Variants in KCNAB1 observed in about 807,000 individuals in gnomAD.
KCNAB1 encodes potassium voltage-gated channel subfamily A regulatory beta subunit 1.
KCNAB1 carries 35 observed loss-of-function variants against 64.6 expected under a neutral mutation model. The observed-to-expected ratio is 0.54, with a 90% CI of 0.41 to 0.72. The LOEUF (loss-of-function observed/expected upper bound fraction) is 0.72, where lower values mean the gene tolerates loss of function less well. Ranked by LOEUF, KCNAB1 falls within the 30% of genes least tolerant of loss-of-function variation. KCNAB1 has a pLI of 0.00. For missense variants in KCNAB1, 401 were observed against 512.9 expected (o/e 0.78, Z 2.11); for synonymous variants, 177 against 183.8 (o/e 0.96, Z 0.30).
rs11718168 is a variant in KCNAB1, at chr3:156,194,150, A to G, written c.275+73264A>G. Among the ~76,000 whole-genome samples the G allele has an allele frequency of 7.2e-4, 109 of 151,930 alleles. 1 individual carries two copies. The highest frequency in any genetic ancestry group is 1.2e-3 in the Non-Finnish European group (80 of 67,996). ...TTAAGAAAAAATTTAATATTTACCTATAACAACCCTTATAGTTATTACTTC... is the reference window on the plus strand; with the variant it reads ...TTAAGAAAAAATTTAATATTTACCTGTAACAACCCTTATAGTTATTACTTC... On this transcript the variant is annotated intron_variant, in intron 1 of 13. Transcript: ENST00000490337.
intron 1 of KCNAB1, among the ~76,000 whole-genome samples, chr3:156,231,353 A>G (rs2108434988): frequency 6.6e-6 from 1 of 152,294 alleles, no homozygotes; most frequent in African/African-American, 2.4e-5. Context: ...TGACTCTGGC[A>G]TAACAAGGAA....
intron 1 of KCNAB1, among the ~76,000 whole-genome samples, chr3:156,415,786 C>T (rs113478809): frequency 0.013 from 2,012 of 152,238 alleles, 64 homozygotes; most frequent in African/African-American, 0.047. Context: ...CTAACAGAAT[C>T]GGTTCCCTCA....
intron 6 of KCNAB1, among the ~76,000 whole-genome samples, chr3:156,464,009 CATACTT>C (rs1713150985): frequency 6.6e-6 from 1 of 152,094 alleles, no homozygotes; most frequent in Non-Finnish European, 1.5e-5. Flanking sequence ...ATACCAATCT[CATACTT>C]AGAATCATTT....
At chr3:156,362,070 T>C (rs115791863) in intron 1 of KCNAB1, among the ~76,000 whole-genome samples, 2,021 of 152,340 alleles carry the variant, frequency 0.013, 17 homozygotes, top group South Asian at 0.031. Context: ...AGAATACTGT[T>C]CTCATAGAGC....
intron 1 of KCNAB1, among the ~76,000 whole-genome samples, chr3:156,295,228 A>G (rs929265319): frequency 6.6e-6 from 1 of 152,156 alleles, no homozygotes; most frequent in Non-Finnish European, 1.5e-5. Flanking sequence ...TAATGATTGC[A>G]TCTTGGGGCA....
chr3:156,483,089 G>A (rs1714946860), intron 8 of KCNAB1, among the ~76,000 whole-genome samples: 2 of 152,036 alleles, frequency 1.3e-5, no homozygotes, highest in Admixed American at 1.3e-4. Flanking sequence ...CTTAAATCTT[G>A]GGACACACAG....
At chr3:156,143,556 G>T in intron 1 of KCNAB1, 1 of 459,792 alleles carries the variant, frequency 2.2e-6, no homozygotes. Context: ...CCCTCTTCTT[G>T]GGTTGCATTC....
intron 5 of KCNAB1, among the ~76,000 whole-genome samples, chr3:156,461,855 A>G (rs1421284680): frequency 1.3e-5 from 2 of 152,262 alleles, no homozygotes; most frequent in Non-Finnish European, 2.9e-5. Flanking sequence ...TAATGTTTAT[A>G]TCAGTTCACA....
At chr3:156,247,541 C>A (rs1304937216) in intron 1 of KCNAB1, among the ~76,000 whole-genome samples, 1 of 152,066 alleles carries the variant, frequency 6.6e-6, no homozygotes, top group African/African-American at 2.4e-5. Context: ...GTCCTTTCTT[C>A]CAGCAGACTG....
intron 1 of KCNAB1, among the ~76,000 whole-genome samples, chr3:156,407,324 G>A (rs973138822): frequency 2.0e-5 from 3 of 152,096 alleles, no homozygotes; most frequent in Admixed American, 6.5e-5. Context: ...CCAGGTCCCC[G>A]CTCAAATGCA....
intron 1 of KCNAB1, among the ~76,000 whole-genome samples, chr3:156,243,125 G>T (rs1340645874): frequency 1.3e-5 from 2 of 151,730 alleles, no homozygotes; most frequent in Admixed American, 1.3e-4. Context: ...GGTCAGGCTG[G>T]TCTTGAACTC....
intron 1 of KCNAB1, among the ~76,000 whole-genome samples, chr3:156,193,722 C>T (rs1342147040): frequency 6.6e-6 from 1 of 152,140 alleles, no homozygotes; most frequent in Non-Finnish European, 1.5e-5. Flanking sequence ...GGAAACTGCT[C>T]CCATGATCCA....
At chr3:156,377,724 C>T (rs9868210) in intron 1 of KCNAB1, among the ~76,000 whole-genome samples, 6,379 of 152,046 alleles carry the variant, frequency 0.042, 422 homozygotes, top group African/African-American at 0.15. Context: ...GATATGAGAG[C>T]GATTGCTAAG....
At chr3:156,519,409 C>T (rs1174265425) in intron 11 of KCNAB1, among the ~76,000 whole-genome samples, 2 of 152,152 alleles carry the variant, frequency 1.3e-5, no homozygotes, top group Non-Finnish European at 2.9e-5. Flanking sequence ...TCTCCTTTGC[C>T]TCCCAGAAAT....
At chr3:156,309,585 T>C (rs571473966) in intron 1 of KCNAB1, among the ~76,000 whole-genome samples, 5 of 152,394 alleles carry the variant, frequency 3.3e-5, no homozygotes, top group African/African-American at 4.8e-5. Flanking sequence ...ATTTACCTGC[T>C]TAATGAGTCG....
At chr3:156,381,087 C>G (rs895347382) in intron 1 of KCNAB1, among the ~76,000 whole-genome samples, 3 of 151,880 alleles carry the variant, frequency 2.0e-5, no homozygotes, top group Non-Finnish European at 4.4e-5. Context: ...ATATTGGGTC[C>G]CAAAAACATA....
At chr3:156,248,979 G>A (rs1717637832) in intron 1 of KCNAB1, among the ~76,000 whole-genome samples, 1 of 151,728 alleles carries the variant, frequency 6.6e-6, no homozygotes, top group South Asian at 2.1e-4. Flanking sequence ...AGATTACTGG[G>A]CACTAAGACC....
At chr3:156,217,234 T>G (rs1159222332) in intron 1 of KCNAB1, among the ~76,000 whole-genome samples, 4 of 152,250 alleles carry the variant, frequency 2.6e-5, no homozygotes, top group Admixed American at 2.6e-4. Context: ...CCAGTTCTGA[T>G]GAATCTGTAA....
At chr3:156,237,913 C>CTA (rs1716940322) in intron 1 of KCNAB1, among the ~76,000 whole-genome samples, 1 of 152,178 alleles carries the variant, frequency 6.6e-6, no homozygotes. Flanking sequence ...CTATTCTGCC[C>CTA]TATTCTGTCC....
Sources: gnomAD v4.1 joint callset for allele counts (sites outside exome capture counted in the v4.1 genomes callset) on GRCh38, gnomAD v4.1.1 for gene constraint, MANE v1.5 for transcripts, NCBI Gene and HGNC (gene_info 2026-07-23, HGNC 2026-07-21) for gene names.